Variants in MEI1 observed in about 807,000 individuals in gnomAD.
MEI1 encodes meiotic double-stranded break formation protein 1.
MEI1 carries 103 observed loss-of-function variants against 146.2 expected under a neutral mutation model. That is an observed-to-expected ratio of 0.70 (90% CI 0.60 to 0.83). The LOEUF (loss-of-function observed/expected upper bound fraction) is 0.83. Among genes scored for constraint, MEI1 ranks in the 40% least tolerant of loss-of-function variants. The pLI is 0.00. For synonymous variants in MEI1, 652 were observed against 628.2 expected (o/e 1.04, Z -0.57); for missense variants, 1,529 against 1,533.0 (o/e 1.00, Z 0.04).
At chr22:41,708,770 G>GT (rs2069300739) in intron 3 of MEI1, among the ~76,000 whole-genome samples, 1 of 152,216 alleles carries the variant, frequency 6.6e-6, no homozygotes, top group Non-Finnish European at 1.5e-5. Context: ...TGCCATCTCA[G>GT]TGGCATCACT....
intron 3 of MEI1, among the ~76,000 whole-genome samples, chr22:41,710,101 C>T (rs373848510): frequency 1.3e-5 from 2 of 152,024 alleles, no homozygotes; most frequent in African/African-American, 4.8e-5. Flanking sequence ...GACCCTAATC[C>T]AATCTGACTA....
chr22:41,716,614 G>A (rs1320668155), intron 5 of MEI1, among the ~76,000 whole-genome samples: 2 of 151,144 alleles, frequency 1.3e-5, no homozygotes, highest in Non-Finnish European at 2.9e-5. Context: ...AACCTCAGGT[G>A]ATCCGCCTGC....
At chr22:41,723,274 G>A (rs1364969989) in intron 6 of MEI1, among the ~76,000 whole-genome samples, 2 of 151,734 alleles carry the variant, frequency 1.3e-5, no homozygotes, top group Non-Finnish European at 2.9e-5. Flanking sequence ...GTACAGTGAC[G>A]CCATCTCAGT....
intron 14 of MEI1, among the ~76,000 whole-genome samples, chr22:41,746,554 T>C (rs1296907380): frequency 6.6e-6 from 1 of 152,160 alleles, no homozygotes; most frequent in African/African-American, 2.4e-5. Flanking sequence ...GAAGAGAGAC[T>C]TGATCCTTGA....
At chr22:41,779,459 C>T (rs1157110764) in intron 22 of MEI1, among the ~76,000 whole-genome samples, 2 of 152,184 alleles carry the variant, frequency 1.3e-5, no homozygotes, top group African/African-American at 4.8e-5. Flanking sequence ...GTCCCTAAAA[C>T]AAACAAATCT....
intron 21 of MEI1, 109 bp from the exon 22 acceptor site, chr22:41,778,599 C>T: frequency 1.3e-6 from 1 of 787,226 alleles, no homozygotes. Flanking sequence ...CCTTAGGAAA[C>T]AAAAAACTTT....
At chr22:41,768,461 G>T (rs1382110129) in intron 19 of MEI1, among the ~76,000 whole-genome samples, 1 of 151,980 alleles carries the variant, frequency 6.6e-6, no homozygotes, top group Non-Finnish European at 1.5e-5. Flanking sequence ...AAATACTTGG[G>T]AATATAACTT....
At chr22:41,700,104 A>C (rs1039810557) in intron 1 of MEI1, among the ~76,000 whole-genome samples, 3 of 151,804 alleles carry the variant, frequency 2.0e-5, no homozygotes, top group African/African-American at 7.3e-5. Flanking sequence ...GCCTCCCGCC[A>C]TTTCAGCCTC....
At chr22:41,713,292 C>T (rs541902439) in intron 3 of MEI1, among the ~76,000 whole-genome samples, 10 of 152,136 alleles carry the variant, frequency 6.6e-5, no homozygotes, top group African/African-American at 2.4e-4. Flanking sequence ...GCAGTACAGA[C>T]CCTGTCCCTA....
chr22:41,770,672 T>A lies in MEI1; in HGVS notation c.2269-14T>A. On this transcript the variant is annotated splice_polypyrimidine_tract_variant and intron_variant, in intron 19 of 30. Transcript: ENST00000401548. Reference sequence around the variant, plus strand: ...GCAAGGTGTATTTACCTCCTTTCTTTGTTTTGCCTCCAGACTATGGTCAGT... The same window carrying A: ...GCAAGGTGTATTTACCTCCTTTCTTAGTTTTGCCTCCAGACTATGGTCAGT... The A allele has an allele frequency of 6.2e-7, 1 of 1,610,470 alleles. No homozygotes were observed. The highest frequency in any genetic ancestry group is 8.5e-7 in the Non-Finnish European group (1 of 1,178,112).
intron 1 of MEI1, among the ~76,000 whole-genome samples, chr22:41,701,578 C>T (rs763253964): frequency 6.6e-6 from 1 of 152,100 alleles, no homozygotes; most frequent in Non-Finnish European, 1.5e-5. Flanking sequence ...TCTGGGAACT[C>T]GTAAACTAGC....
chr22:41,778,166 T>C (rs1331951283), intron 21 of MEI1, among the ~76,000 whole-genome samples: 1 of 152,200 alleles, frequency 6.6e-6, no homozygotes, highest in African/African-American at 2.4e-5. Context: ...CTTCTTACTG[T>C]GTCCTCACAT....
At chr22:41,714,863 A>C (rs1276766729) in intron 4 of MEI1, among the ~76,000 whole-genome samples, 1 of 152,106 alleles carries the variant, frequency 6.6e-6, no homozygotes, top group African/African-American at 2.4e-5. Flanking sequence ...CCTGGGTGAC[A>C]AAGCAAGACT....
In MEI1 at chr22:41,781,966, A is replaced by G. The variant is rs917794344; in HGVS notation, c.3087+121A>G. On this transcript the variant is annotated intron_variant, in intron 24 of 30. Coordinates refer to ENST00000401548, the MANE Select transcript of MEI1 (RefSeq NM_152513.4). ...GCTGTGTGACCTTGGCAAGGTATTTACCCTTTCTGAGCTCAGTTTCCTTTC... is the reference window on the plus strand; with the variant it reads ...GCTGTGTGACCTTGGCAAGGTATTTGCCCTTTCTGAGCTCAGTTTCCTTTC... 5 of 1,090,444 alleles carry G rather than the reference A, an allele frequency of 4.6e-6. No homozygotes were observed. The African/African-American group carries it at 8.0e-5, about 17-fold the overall frequency. The allele number at this position is 1,090,444 out of a possible 1,614,324, so 67.5% of individuals were successfully genotyped here. A position where few individuals can be genotyped will look rare whatever the true frequency, so the allele number is the denominator to read the frequency against.
At chr22:41,717,053 G>A (rs1365809233) in intron 5 of MEI1, among the ~76,000 whole-genome samples, 1 of 150,738 alleles carries the variant, frequency 6.6e-6, no homozygotes, top group African/African-American at 2.5e-5. Flanking sequence ...GATGGAAGGA[G>A]GAATTCTGGA....
intron 7 of MEI1, among the ~76,000 whole-genome samples, chr22:41,726,122 A>G (rs558269668): frequency 6.6e-6 from 1 of 152,316 alleles, no homozygotes; most frequent in South Asian, 2.1e-4. Flanking sequence ...TACTAAAAAT[A>G]CAAAAATTAG....
intron 1 of MEI1, among the ~76,000 whole-genome samples, chr22:41,701,082 T>G (rs887154573): frequency 6.6e-6 from 1 of 151,826 alleles, no homozygotes; most frequent in African/African-American, 2.4e-5. Flanking sequence ...TGGGATTACA[T>G]GCATGCGTCA....
chr22:41,763,269 C>G lies in MEI1; in HGVS notation c.2216C>G (p.Ala739Gly). The G allele has an allele frequency of 6.2e-7, 1 of 1,613,974 alleles. No homozygotes were observed. The highest frequency in any genetic ancestry group is 2.2e-5 in the East Asian group (1 of 44,870). Residue 739 changes from alanine (A) to glycine (G), a missense_variant, in exon 19 of 31, where the codon GCC becomes GGC. Coordinates refer to ENST00000401548, the MANE Select transcript of MEI1 (RefSeq NM_152513.4). The part of the protein sequence containing the change: ...GERPPLVVFK[A>G]SIYLLAICQD... Reference sequence around the variant, plus strand: ...CGCCCCCCACTGGTGGTCTTCAAAGCCTCCATCTATCTGCTTGCAATCTGC... The same window carrying G: ...CGCCCCCCACTGGTGGTCTTCAAAGGCTCCATCTATCTGCTTGCAATCTGC...
chr22:41,715,058 G>C (rs2069971345), intron 4 of MEI1, among the ~76,000 whole-genome samples: 1 of 152,038 alleles, frequency 6.6e-6, no homozygotes, highest in South Asian at 2.1e-4. Flanking sequence ...TTTTACATAT[G>C]ATTAATATGT....
Sources: allele counts gnomAD v4.1 joint callset (sites outside exome capture counted in the v4.1 genomes callset), GRCh38; gene constraint gnomAD v4.1.1; transcripts MANE v1.5; gene names NCBI Gene and HGNC (gene_info 2026-07-23, HGNC 2026-07-21).